Variants in NT5C1B observed in about 807,000 individuals in gnomAD.
NT5C1B encodes the protein 5'-nucleotidase, cytosolic IB, also known as cytosolic 5'-nucleotidase 1B.
NT5C1B carries 44 observed loss-of-function variants against 57.8 expected under a neutral mutation model. The observed-to-expected ratio is 0.76, with a 90% CI of 0.60 to 0.98. The LOEUF (loss-of-function observed/expected upper bound fraction) is 0.98. Ranked by LOEUF, NT5C1B falls within the 50% of genes least tolerant of loss-of-function variation. The probability of loss-of-function intolerance (pLI) is 0.00; values close to 1 mark genes in which losing one functional copy is unlikely to be tolerated. For synonymous variants in NT5C1B, 284 were observed against 282.6 expected, an observed-to-expected ratio of 1.00 and a Z score of -0.05; for missense variants, 742 against 719.5, an observed-to-expected ratio of 1.03 and a Z score of -0.36.
intron 1 of NT5C1B, 106 bp from the exon 2 acceptor site, chr2:18,587,698 C>G (rs917371985): frequency 1.1e-5 from 15 of 1,326,256 alleles, no homozygotes; most frequent in African/African-American, 1.5e-5. Flanking sequence ...TATTTATTTG[C>G]CAATATAAAA....
rs1229908975 is a variant in NT5C1B at position 18,584,663 on chromosome 2, TC to T, written c.573del (p.Ile192SerfsTer35). ...TCCAGCTGGGTGGAGGCGGGGTAGATCCCCCTGCGCTGGCTGGAGGACTTCC... is the reference window on the plus strand; with the variant it reads ...TCCAGCTGGGTGGAGGCGGGGTAGATCCCCTGCGCTGGCTGGAGGACTTCC... On this transcript the variant is annotated frameshift_variant, in exon 4 of 9. Transcript: ENST00000304081. LOFTEE classifies it high-confidence loss of function. This position sits in a 1 kb window ranked among gnomAD's most constrained non-coding sequence, Gnocchi z 5.8. 4 of 1,612,246 alleles carry T rather than the reference TC, an allele frequency of 2.5e-6. No homozygotes were observed. In the African/African-American group the frequency reaches 5.3e-5, roughly 22 times the overall value.
chr2:18,574,669 A>T (rs1013169283), intron 8 of NT5C1B, among the ~76,000 whole-genome samples: 1 of 152,088 alleles, frequency 6.6e-6, no homozygotes, highest in Non-Finnish European at 1.5e-5. Context: ...AGGAAATACT[A>T]CCATTTGTAA....
intron 8 of NT5C1B, among the ~76,000 whole-genome samples, chr2:18,569,505 A>C (rs867333607): frequency 6.6e-5 from 10 of 152,176 alleles, no homozygotes; most frequent in Non-Finnish European, 1.5e-4. Context: ...AATAAGTTAA[A>C]TATAAACACA....
At chr2:18,588,130 C>T (rs1049878755) in intron 1 of NT5C1B, among the ~76,000 whole-genome samples, 1 of 152,136 alleles carries the variant, frequency 6.6e-6, no homozygotes, top group Admixed American at 6.5e-5. Flanking sequence ...TTTAATTACT[C>T]ATAGATCTAG....
intron 8 of NT5C1B, 35 bp downstream of exon 8, chr2:18,576,149 G>T: frequency 6.5e-7 from 1 of 1,543,708 alleles, no homozygotes; most frequent in South Asian, 1.3e-5. Flanking sequence ...AAATAAATAA[G>T]TACATAAAAA....
intron 2 of NT5C1B, chr2:18,587,029 A>G (rs756094251): frequency 1.2e-6 from 2 of 1,614,058 alleles, no homozygotes; most frequent in Admixed American, 3.3e-5. Context: ...TGCTCCCACA[A>G]CAGGCACATG....
In NT5C1B at chr2:18,587,598, CAAGG is replaced by C; in HGVS notation, c.31-10_31-7del. 6.2e-7 allele frequency: 1 copy of C among 1,607,390 alleles called. No homozygotes were observed. Among genetic ancestry groups the C allele is most frequent in the Non-Finnish European group, 8.5e-7 (1 of 1,178,830 alleles). ...GACCTCATTCCAGGCTCATTCTTGA[CAAGG>C]AAACAAAGAATGTTTATTAATTTTT... On this transcript the variant is annotated splice_region_variant and splice_polypyrimidine_tract_variant and intron_variant, in intron 1 of 8. Transcript: ENST00000304081.
exon 9 of NT5C1B, chr2:18,563,080 T>TC: frequency 6.6e-6 from 1 of 151,508 alleles, no homozygotes; most frequent in South Asian, 2.1e-4. Flanking sequence ...TTTTTTTTTT[T>TC]CCATACAAAT....
exon 9 of NT5C1B, chr2:18,563,143 C>T (rs1326480645): frequency 6.6e-6 from 1 of 151,312 alleles, no homozygotes; most frequent in Admixed American, 6.6e-5. Context: ...ATATGAAACT[C>T]TGTGGATCAG....
chr2:18,584,943 G>A lies in NT5C1B; in HGVS notation c.294C>T (p.Ser98=), dbSNP rs1572379523. The A allele has an allele frequency of 3.2e-6, 5 of 1,539,606 alleles. No homozygotes were observed. The highest frequency in any genetic ancestry group is 4.3e-6 in the Non-Finnish European group (5 of 1,150,242). Residue 98 remains serine (S), a synonymous_variant, in exon 4 of 9, where the codon TCC becomes TCT. Coordinates refer to ENST00000304081, the Ensembl canonical transcript of NT5C1B. This position sits in a 1 kb window ranked among gnomAD's most constrained non-coding sequence, Gnocchi z 5.8. ...AGGAGTCATGCAGGCTTGGGGAGGTGGATGGAGTCCGGGAGCTCGTGGAGC... is the reference window on the plus strand; with the variant it reads ...AGGAGTCATGCAGGCTTGGGGAGGTAGATGGAGTCCGGGAGCTCGTGGAGC...
chr2:18,572,490 A>G (rs1665295240), intron 8 of NT5C1B, among the ~76,000 whole-genome samples: 2 of 152,358 alleles, frequency 1.3e-5, no homozygotes, highest in African/African-American at 4.8e-5. Flanking sequence ...AAAAGCACTG[A>G]AAGATGTTAG....
At chr2:18,568,280 A>AATTTTAATTTT (rs1664835829) in intron 8 of NT5C1B, among the ~76,000 whole-genome samples, 1 of 152,218 alleles carries the variant, frequency 6.6e-6, no homozygotes, top group Admixed American at 6.5e-5. Flanking sequence ...GAGCATCTTT[A>AATTTTAATTTT]AAGTGCTGGG....
Position 18,588,342 on chromosome 2 carries a change from TTA to T in NT5C1B, c.31-752_31-751del, listed in dbSNP as rs144376458. On this transcript the variant is annotated intron_variant, in intron 1 of 8. Transcript: ENST00000304081. ...GCAATGTGATCAAGATTAGTGTTAT[TTA>T]TATGTTTAAGGAGCACAACTTCTAA... is the stretch of plus-strand genomic sequence containing the variant. Among the ~76,000 whole-genome samples, 1,062 of 152,334 alleles carry T rather than the reference TTA, an allele frequency of 7.0e-3. 13 individuals are homozygous for T. Among genetic ancestry groups the T allele is most frequent in the African/African-American group, 0.024 (1,016 of 41,574 alleles).
chr2:18,586,190 T>C, intron 3 of NT5C1B, 64 bp downstream of exon 3: 1 of 1,578,872 alleles, frequency 6.3e-7, no homozygotes, highest in East Asian at 2.3e-5. Context: ...GTAGAAAGCA[T>C]CAATAAATGT....
chr2:18,580,734 G>A (rs1425337298), intron 6 of NT5C1B, among the ~76,000 whole-genome samples: 1 of 152,200 alleles, frequency 6.6e-6, no homozygotes, highest in Non-Finnish European at 1.5e-5. Context: ...AAAATGTAGT[G>A]CATATATACC....
intron 2 of NT5C1B, 100 bp downstream of exon 2, chr2:18,587,403 A>G: frequency 6.4e-7 from 1 of 1,553,602 alleles, no homozygotes; most frequent in Non-Finnish European, 8.6e-7. Context: ...ACAATTCTCA[A>G]CAGCTTGGTC....
intron 2 of NT5C1B, chr2:18,587,033 G>A: frequency 1.2e-6 from 2 of 1,614,214 alleles, no homozygotes; most frequent in Non-Finnish European, 1.7e-6. Context: ...CCCACAACAG[G>A]CACATGTGAA....
chr2:18,583,407 C>T, intron 5 of NT5C1B: 1 of 184,504 alleles, frequency 5.4e-6, no homozygotes, highest in South Asian at 1.1e-4. Context: ...GTCATCTTGC[C>T]CAGAGGTCAT....
At chr2:18,589,341 A>G (rs1666992538) in intron 1 of NT5C1B, 98 bp downstream of exon 1, 1 of 1,519,488 alleles carries the variant, frequency 6.6e-7, no homozygotes, top group Admixed American at 1.7e-5. Flanking sequence ...ATCTGAAATT[A>G]TTTGATCATT....
Sources: gnomAD v4.1 joint callset for allele counts (sites outside exome capture counted in the v4.1 genomes callset) on GRCh38, gnomAD v4.1.1 for gene constraint, Gnocchi (gnomAD v3.1) non-coding constraint, MANE v1.5 for transcripts, NCBI Gene and HGNC (gene_info 2026-07-23, HGNC 2026-07-21) for gene names.